Variants in CLMN observed in about 807,000 individuals in gnomAD.
CLMN encodes the protein calmin (calponin-like, transmembrane).
Under a neutral mutation model 92.7 loss-of-function variants are expected in CLMN, and 57 were observed. That is an observed-to-expected ratio of 0.61 (90% CI 0.50 to 0.77). The LOEUF (loss-of-function observed/expected upper bound fraction) is 0.77, where lower values mean the gene tolerates loss of function less well. CLMN is among the 30% of genes least tolerant of loss of function. The probability of loss-of-function intolerance (pLI) is 0.00; values close to 1 mark genes in which losing one functional copy is unlikely to be tolerated. For synonymous variants in CLMN, 466 were observed against 470.6 expected (o/e 0.99, Z 0.13); for missense variants, 1,158 against 1,237.5 (o/e 0.94, Z 0.96).
intron 1 of CLMN, among the ~76,000 whole-genome samples, chr14:95,316,581 C>A (rs549315275): frequency 8.5e-5 from 13 of 152,216 alleles, no homozygotes; most frequent in Non-Finnish European, 1.6e-4. Flanking sequence ...TATGACATCA[C>A]AATCACATTG....
At chr14:95,199,008 G>A (rs545128923) in intron 9 of CLMN, 5 of 152,364 alleles carry the variant, frequency 3.3e-5, no homozygotes, top group Non-Finnish European at 7.3e-5. Context: ...GGAAGAGGGG[G>A]AAGATGGCAG....
intron 1 of CLMN, among the ~76,000 whole-genome samples, chr14:95,245,238 TTATATA>T (rs1555390382): frequency 3.5e-5 from 1 of 28,194 alleles, no homozygotes; most frequent in Non-Finnish European, 5.3e-5. Flanking sequence ...TATATATATA[TTATATA>T]TATATATATA....
chr14:95,224,667 T>C (rs1897656524), intron 2 of CLMN, among the ~76,000 whole-genome samples: 1 of 152,188 alleles, frequency 6.6e-6, no homozygotes, highest in Non-Finnish European at 1.5e-5. Flanking sequence ...TGTTTGGTAT[T>C]GTCCTGTTTC....
intron 1 of CLMN, among the ~76,000 whole-genome samples, chr14:95,251,951 G>T (rs1265243827): frequency 6.6e-6 from 1 of 152,156 alleles, no homozygotes; most frequent in African/African-American, 2.4e-5. Flanking sequence ...TCTGCACTCA[G>T]CCCCCATGGA....
intron 1 of CLMN, among the ~76,000 whole-genome samples, chr14:95,267,815 A>G (rs1429245155): frequency 1.3e-5 from 2 of 152,246 alleles, no homozygotes; most frequent in Non-Finnish European, 2.9e-5. Flanking sequence ...TGTGCTATAT[A>G]TACACACAAT....
At chr14:95,315,831 C>G (rs1901743137) in intron 1 of CLMN, among the ~76,000 whole-genome samples, 1 of 152,232 alleles carries the variant, frequency 6.6e-6, no homozygotes, top group Admixed American at 6.5e-5. Context: ...GACAGTTTCA[C>G]GCTCCTGAAA....
At chr14:95,312,251 T>A (rs895928156) in intron 1 of CLMN, among the ~76,000 whole-genome samples, 7 of 152,070 alleles carry the variant, frequency 4.6e-5, no homozygotes, top group African/African-American at 1.4e-4. Flanking sequence ...TCCTAGCATG[T>A]CCCATTCACC....
In CLMN at chr14:95,276,599, TTTCTC is replaced by T. The variant is rs930235461; in HGVS notation, c.82+43107_82+43111del. Among the ~76,000 whole-genome samples, 11 of 152,222 alleles carry T rather than the reference TTTCTC, an allele frequency of 7.2e-5. No individual in the cohort carries two copies. In the East Asian group the frequency reaches 1.9e-3, roughly 27 times the overall value. On this transcript the variant is annotated intron_variant, in intron 1 of 12. Transcript: ENST00000298912. ...TCCTCACCCCACCGCAGGCAATACT[TTTCTC>T]TTTCTTTCTTTCCTTTCCCTTTCCC...
chr14:95,271,388 G>A (rs1209236010), intron 1 of CLMN, among the ~76,000 whole-genome samples: 11 of 152,224 alleles, frequency 7.2e-5, no homozygotes, highest in Non-Finnish European at 1.2e-4. Flanking sequence ...GTGTTCTCCC[G>A]ACCTGTCTAG....
chr14:95,242,203 G>T, intron 1 of CLMN, among the ~76,000 whole-genome samples: 1 of 148,416 alleles, frequency 6.7e-6, no homozygotes, highest in African/African-American at 2.5e-5. Flanking sequence ...AAGTGAATTT[G>T]AATCCTAGGG....
chr14:95,237,966 C>G (rs945720907), intron 1 of CLMN, among the ~76,000 whole-genome samples: 18 of 152,194 alleles, frequency 1.2e-4, no homozygotes, highest in African/African-American at 4.3e-4. Flanking sequence ...CTTGAGCGAG[C>G]CCCTGTGGAT....
chr14:95,294,262 C>T lies in CLMN; in HGVS notation c.82+25449G>A, dbSNP rs1900719492. On this transcript the variant is annotated intron_variant, in intron 1 of 12. Transcript: ENST00000298912. The surrounding 1 kb of genome is among the most constrained non-coding windows in gnomAD (Gnocchi z 4.2). ...AGATGAGGAAAAGGCATGGCCCCTG[C>T]TTGCACGGGGAAGACAAAATTTAAC... Among the ~76,000 whole-genome samples the T allele has an allele frequency of 6.6e-6, 1 of 152,242 alleles. No individual in the cohort carries two copies. Among genetic ancestry groups the T allele is most frequent in the Admixed American group, 6.5e-5 (1 of 15,280 alleles).
At chr14:95,258,858 G>A (rs538323353) in intron 1 of CLMN, among the ~76,000 whole-genome samples, 4 of 150,978 alleles carry the variant, frequency 2.6e-5, no homozygotes, top group African/African-American at 7.3e-5. Context: ...TGTGGTGTGT[G>A]TGTGGTATGT....
chr14:95,261,192 C>T (rs1277677007), intron 1 of CLMN, among the ~76,000 whole-genome samples: 6 of 127,898 alleles, frequency 4.7e-5, no homozygotes, highest in Admixed American at 7.9e-5. Flanking sequence ...CACACAAATG[C>T]AAAAAAAAAA....
rs1009417112 is a variant in CLMN at position 95,256,885 on chromosome 14, T to C, written c.83-26752A>G. On this transcript the variant is annotated intron_variant, in intron 1 of 12. Coordinates refer to ENST00000298912, the MANE Select transcript of CLMN (RefSeq NM_024734.4). The surrounding 1 kb of genome is among the most constrained non-coding windows in gnomAD (Gnocchi z 4.9). ...GCAGGAGCTTGAAGGCCCCATGCGGTGTTAGCAGATAGGGAAAAGGAGAGG... is the reference window on the plus strand; with the variant it reads ...GCAGGAGCTTGAAGGCCCCATGCGGCGTTAGCAGATAGGGAAAAGGAGAGG... Among the ~76,000 whole-genome samples, 2 of 152,020 alleles carry C rather than the reference T, an allele frequency of 1.3e-5. No homozygotes were observed. The highest frequency in any genetic ancestry group is 4.8e-5 in the African/African-American group (2 of 41,382).
chr14:95,258,830 G>A (rs534363003), intron 1 of CLMN, among the ~76,000 whole-genome samples: 1 of 149,944 alleles, frequency 6.7e-6, no homozygotes, highest in East Asian at 2.0e-4. Flanking sequence ...GTGTTTGTGT[G>A]TGGTATGTGT....
At chr14:95,304,892 G>A (rs1178229383) in intron 1 of CLMN, among the ~76,000 whole-genome samples, 2 of 152,088 alleles carry the variant, frequency 1.3e-5, no homozygotes, top group Non-Finnish European at 2.9e-5. Context: ...TAAAGATACT[G>A]GCATGGGGGT....
chr14:95,251,013 A>G (rs776145366), intron 1 of CLMN, among the ~76,000 whole-genome samples: 1 of 152,150 alleles, frequency 6.6e-6, no homozygotes, highest in Non-Finnish European at 1.5e-5. Context: ...AGTACAGGAA[A>G]TCTGCTCCAG....
intron 1 of CLMN, among the ~76,000 whole-genome samples, chr14:95,238,952 T>C (rs1473106777): frequency 6.6e-6 from 1 of 152,196 alleles, no homozygotes; most frequent in African/African-American, 2.4e-5. Context: ...GCTATATATA[T>C]ATAGGGCTGG....
Sources: gnomAD v4.1 joint callset for allele counts (sites outside exome capture counted in the v4.1 genomes callset) on GRCh38, gnomAD v4.1.1 for gene constraint, Gnocchi (gnomAD v3.1) non-coding constraint, MANE v1.5 for transcripts, NCBI Gene and HGNC (gene_info 2026-07-23, HGNC 2026-07-21) for gene names.